The following ZNRF1 variants were observed in gnomAD, a reference collection of about 807,000 sequenced individuals.
The protein encoded by ZNRF1 is zinc and ring finger 1.
A neutral mutation model predicts 18.4 loss-of-function variants in ZNRF1; 3 were observed. The ratio of observed to expected loss-of-function variants is 0.16; its 90% confidence interval spans 0.07 to 0.42. The LOEUF is 0.42. Ranked by LOEUF, ZNRF1 falls within the 10% of genes least tolerant of loss-of-function variation. ZNRF1 has a pLI of 0.99. For synonymous variants in ZNRF1, 157 were observed against 144.2 expected, an observed-to-expected ratio of 1.09 and a Z score of -0.64; for missense variants, 310 against 329.8, an observed-to-expected ratio of 0.94 and a Z score of 0.47.
At chr16:75,068,734 C>T (rs532587759) in intron 1 of ZNRF1, among the ~76,000 whole-genome samples, 1 of 152,194 alleles carries the variant, frequency 6.6e-6, no homozygotes, top group Admixed American at 6.5e-5. Flanking sequence ...CTCACCACTT[C>T]TGCAGCCACG....
chr16:75,099,059 A>C (rs1018600816), intron 2 of ZNRF1, among the ~76,000 whole-genome samples: 1 of 152,160 alleles, frequency 6.6e-6, no homozygotes, highest in Non-Finnish European at 1.5e-5. Flanking sequence ...GGAGATGCAA[A>C]GTGCCTGTGA....
rs978418618 is a variant in ZNRF1, at chr16:75,095,512, TC to T, written c.520+1848del. On this transcript the variant is annotated intron_variant, in intron 2 of 4. Transcript: ENST00000335325. ...GCCTCAAAAACCCTATTCACTTCTT[TC>T]CCACATGTGTGGAGACCTCATGAAG... The T allele has an allele frequency of 3.0e-5, 40 of 1,340,186 alleles. No individual in the cohort carries two copies. The African/African-American group carries it at 5.4e-4, about 18-fold the overall frequency. 83.0% of individuals were successfully genotyped at this position (1,340,186 alleles called of 1,614,324 possible). A position where few individuals can be genotyped will look rare whatever the true frequency, so the allele number is the denominator to read the frequency against.
At chr16:75,043,733 G>A (rs2035478452) in intron 1 of ZNRF1, among the ~76,000 whole-genome samples, 1 of 149,532 alleles carries the variant, frequency 6.7e-6, no homozygotes, top group Non-Finnish European at 1.5e-5. Context: ...GTTGGGTGGA[G>A]TACTGGTTTT....
chr16:75,099,813 G>A (rs1365158238), intron 2 of ZNRF1, among the ~76,000 whole-genome samples: 7 of 152,180 alleles, frequency 4.6e-5, no homozygotes, highest in Admixed American at 2.6e-4. Flanking sequence ...CAGCAGGTTC[G>A]TGTCAGATGC....
At chr16:75,079,855 T>C (rs1383202209) in intron 1 of ZNRF1, among the ~76,000 whole-genome samples, 1 of 152,234 alleles carries the variant, frequency 6.6e-6, no homozygotes, top group Non-Finnish European at 1.5e-5. Context: ...GAAGGTAGCC[T>C]GTAGTGTAGC....
intron 4 of ZNRF1, chr16:75,107,211 G>C (rs1567497929): frequency 5.7e-6 from 1 of 174,454 alleles, no homozygotes; most frequent in African/African-American, 2.4e-5. Flanking sequence ...TCCCCCAGGG[G>C]TACCCCACTT....
intron 1 of ZNRF1, among the ~76,000 whole-genome samples, chr16:75,067,497 A>G (rs958582687): frequency 6.6e-6 from 1 of 152,226 alleles, no homozygotes; most frequent in Non-Finnish European, 1.5e-5. Flanking sequence ...AAGAAATCTT[A>G]TTTTTAAATG....
At chr16:75,103,216 T>G (rs189961881) in intron 2 of ZNRF1, among the ~76,000 whole-genome samples, 1 of 152,198 alleles carries the variant, frequency 6.6e-6, no homozygotes, top group African/African-American at 2.4e-5. Flanking sequence ...TAAAAACCAG[T>G]GGGTTCCCAT....
intron 1 of ZNRF1, chr16:75,046,897 G>A (rs1202790321): frequency 6.5e-6 from 1 of 154,222 alleles, no homozygotes; most frequent in East Asian, 1.9e-4. Context: ...AGGTATACGG[G>A]ACAGTACAGA....
intron 1 of ZNRF1, among the ~76,000 whole-genome samples, chr16:75,036,347 T>A (rs1377264875): frequency 6.6e-6 from 1 of 152,140 alleles, no homozygotes; most frequent in Non-Finnish European, 1.5e-5. Context: ...GCCAGGCTGG[T>A]CTTGAACTCC....
intron 1 of ZNRF1, among the ~76,000 whole-genome samples, chr16:75,037,286 A>C (rs1285115935): frequency 2.6e-5 from 4 of 152,046 alleles, no homozygotes; most frequent in Non-Finnish European, 5.9e-5. Context: ...TTTATTAAAC[A>C]AGGCAGCCGG....
intron 1 of ZNRF1, among the ~76,000 whole-genome samples, chr16:75,032,749 G>T (rs1215927094): frequency 6.6e-6 from 1 of 151,976 alleles, no homozygotes; most frequent in East Asian, 1.9e-4. Flanking sequence ...AGGACCAGAT[G>T]CAGTAGCTCA....
intron 1 of ZNRF1, among the ~76,000 whole-genome samples, chr16:75,005,770 A>G (rs1485808932): frequency 6.6e-6 from 1 of 152,214 alleles, no homozygotes; most frequent in Admixed American, 6.5e-5. Flanking sequence ...TACTGTGATA[A>G]AAGTTATGTG....
intron 1 of ZNRF1, among the ~76,000 whole-genome samples, chr16:75,070,635 C>A (rs1434065745): frequency 1.3e-5 from 2 of 152,146 alleles, no homozygotes; most frequent in African/African-American, 4.8e-5. Context: ...CCTCTGTGTA[C>A]TGACATCCTA....
chr16:75,000,211 C>G, intron 1 of ZNRF1, 116 bp downstream of exon 1: 3 of 1,412,744 alleles, frequency 2.1e-6, no homozygotes, highest in Non-Finnish European at 2.9e-6. Flanking sequence ...TCTGCATTCC[C>G]TTTGGTTCCC....
chr16:75,043,432 CAT>C (rs765032109), intron 1 of ZNRF1, among the ~76,000 whole-genome samples: 1 of 152,148 alleles, frequency 6.6e-6, no homozygotes, highest in Non-Finnish European at 1.5e-5. Flanking sequence ...ACATTTTAGA[CAT>C]GTGTTTGTTT....
intron 1 of ZNRF1, among the ~76,000 whole-genome samples, chr16:75,041,504 A>G (rs1169883754): frequency 1.3e-5 from 2 of 151,414 alleles, no homozygotes. Context: ...TAATTTTTGT[A>G]TTTTTTGTTA....
In ZNRF1 at chr16:75,096,418, C is replaced by T. The variant is rs887192642; in HGVS notation, c.520+2751C>T. Reference sequence around the variant, plus strand: ...GCTCCAGCTCAGAGAGAGCACAGACCGTGGGCCAAAGCTCAGGAGCTCCAA... The same window carrying T: ...GCTCCAGCTCAGAGAGAGCACAGACTGTGGGCCAAAGCTCAGGAGCTCCAA... On this transcript the variant is annotated intron_variant, in intron 2 of 4. Coordinates refer to ENST00000335325, the MANE Select transcript of ZNRF1 (RefSeq NM_032268.5). Among the ~76,000 whole-genome samples, 14 of 151,892 alleles carry T rather than the reference C, an allele frequency of 9.2e-5. 1 individual carries two copies. The highest frequency in any genetic ancestry group is 3.4e-4 in the African/African-American group (14 of 41,248).
At chr16:75,010,551 T>G (rs1261225324) in intron 1 of ZNRF1, among the ~76,000 whole-genome samples, 1 of 152,182 alleles carries the variant, frequency 6.6e-6, no homozygotes, top group African/African-American at 2.4e-5. Flanking sequence ...TATTTAGGTA[T>G]GTATGGTCTC....
Sources: allele counts gnomAD v4.1 joint callset (sites outside exome capture counted in the v4.1 genomes callset), GRCh38; gene constraint gnomAD v4.1.1; transcripts MANE v1.5; gene names NCBI Gene and HGNC (gene_info 2026-07-23, HGNC 2026-07-21).